The following MRPS2 variants were observed in gnomAD, a reference collection of about 807,000 sequenced individuals.
MRPS2 encodes the protein mitochondrial ribosomal protein S2.
MRPS2 carries 13 observed loss-of-function variants against 18.9 expected under a neutral mutation model. That is an observed-to-expected ratio of 0.69 (90% CI 0.45 to 1.09). MRPS2 has a LOEUF of 1.09. Among genes scored for constraint, MRPS2 ranks in the 50% least tolerant of loss-of-function variants. The pLI, the probability that MRPS2 is intolerant of heterozygous loss-of-function variation, is 0.00. For synonymous variants in MRPS2, 186 were observed against 178.4 expected, an observed-to-expected ratio of 1.04 and a Z score of -0.34; for missense variants, 389 against 421.7, an observed-to-expected ratio of 0.92 and a Z score of 0.68.
chr9:135,500,595 C>A (rs1024870776), upstream of MRPS2: 1 of 1,181,062 alleles, frequency 8.5e-7, no homozygotes, highest in Non-Finnish European at 1.1e-6. Flanking sequence ...CTGGGGACAG[C>A]GCTGTGGCTC....
At chr9:135,501,327 G>A (rs1831125971) in intron 2 of MRPS2, 3 of 1,414,288 alleles carry the variant, frequency 2.1e-6, no homozygotes, top group African/African-American at 1.5e-5. Flanking sequence ...CATGGATAGG[G>A]TGAGAGGGAG....
rs769414094 is a variant in MRPS2 at position 135,501,058 on chromosome 9, G to T, written c.104G>T (p.Arg35Leu). 6.6e-5 allele frequency: 106 copies of T among 1,609,722 alleles called. No individual in the cohort carries two copies. The highest frequency in any genetic ancestry group is 8.6e-5 in the Non-Finnish European group (101 of 1,178,794). Reference sequence around the variant, plus strand: ...GGGAAGGCGACCCCCCGGCCTGCTCGGCCGAGCCGCAGGACGCTTGGAAGC... The same window carrying T: ...GGGAAGGCGACCCCCCGGCCTGCTCTGCCGAGCCGCAGGACGCTTGGAAGC... The part of the protein sequence containing the change: ...FLGKATPRPA[R>L]PSRRTLGSAT... Residue 35 changes from arginine to leucine, a missense_variant, in exon 2 of 4, where the codon CGG becomes CTG. Physicochemically the swap from Arg to Leu is moderately radical, Grantham distance 102. Coordinates refer to ENST00000241600, the MANE Select transcript of MRPS2 (RefSeq NM_016034.5).
intron 2 of MRPS2, chr9:135,501,516 A>C: frequency 1.2e-6 from 1 of 810,276 alleles, no homozygotes; most frequent in Non-Finnish European, 1.6e-6. Context: ...CTGAGACCAC[A>C]AGGCGGGGAG....
chr9:135,502,300 G>A, intron 3 of MRPS2: 1 of 1,135,472 alleles, frequency 8.8e-7, no homozygotes, highest in Non-Finnish European at 1.1e-6. Flanking sequence ...GGCCTTCTGG[G>A]CTGCGGGGAG....
chr9:135,500,482 A>C (rs900900470), upstream of MRPS2: 2 of 461,796 alleles, frequency 4.3e-6, no homozygotes, highest in Non-Finnish European at 7.5e-6. Flanking sequence ...GGCGAGCTGC[A>C]GGGCGAGGAC....
rs763954461 is a variant in MRPS2 at position 135,503,978 on chromosome 9, G to C, written c.736G>C (p.Val246Leu). The C allele has an allele frequency of 6.2e-7, 1 of 1,613,604 alleles. No homozygotes were observed. Among genetic ancestry groups the C allele is most frequent in the South Asian group, 1.1e-5 (1 of 91,088 alleles). Residue 246 changes from valine to leucine, a missense_variant, in exon 4 of 4, where the codon GTG becomes CTG. Physicochemically the swap from Val to Leu is conservative, Grantham distance 32 (BLOSUM62 1). Transcript: ENST00000241600. ...VPGNDDSPLAVHLYCRLFQTA... is the reference protein window; with the variant it reads ...VPGNDDSPLALHLYCRLFQTA... ...CGGCAATGACGACTCTCCGCTGGCTGTGCACCTCTACTGCAGGCTCTTCCA... is the reference window on the plus strand; with the variant it reads ...CGGCAATGACGACTCTCCGCTGGCTCTGCACCTCTACTGCAGGCTCTTCCA...
At chr9:135,502,391 CAGGG>C (rs1831169573) in intron 3 of MRPS2, 1 of 610,560 alleles carries the variant, frequency 1.6e-6, no homozygotes, top group Admixed American at 5.8e-5. Context: ...GGTGGGAGGC[CAGGG>C]AGGAGGTTGG....
chr9:135,500,156 G>A (rs1588365902), upstream of MRPS2: 5 of 412,596 alleles, frequency 1.2e-5, no homozygotes, highest in East Asian at 2.3e-4. Flanking sequence ...CTGGGACCCC[G>A]CCAGCCGGGT....
rs748754188 is a variant in MRPS2, at chr9:135,501,801, C to T, written c.170-43C>T. On this transcript the variant is annotated intron_variant, in intron 2 of 3. Transcript: ENST00000241600. ...AACTGCGCTCTGCCTGTCTCTGCTG[C>T]CACCGGTGGGAGACGCAGCGTCGCT... 30 of 1,608,014 alleles carry T rather than the reference C, an allele frequency of 1.9e-5. 2 individuals carry two copies. The South Asian group carries it at 3.3e-4, about 18-fold the overall frequency.
Position 135,504,274 on chromosome 9 carries a change from AC to A in MRPS2, c.*142del, listed in dbSNP as rs1831237561. On this transcript the variant is annotated 3_prime_UTR_variant, in exon 4 of 4. Coordinates refer to ENST00000241600, the MANE Select transcript of MRPS2 (RefSeq NM_016034.5). The surrounding 1 kb of genome is among the most constrained non-coding windows in gnomAD (Gnocchi z 4.3). ...CAGTGCAGACATCCACCGTTCCACC[AC>A]AGAACCAGTGGCTGAGCGGACCAAC... The A allele has an allele frequency of 1.2e-6, 1 of 821,780 alleles. No homozygotes were observed. The highest frequency in any genetic ancestry group is 1.8e-5 in the South Asian group (1 of 55,074). The allele number at this position is 821,780 out of a possible 1,614,324, so 50.9% of individuals were successfully genotyped here. A position where few individuals can be genotyped will look rare whatever the true frequency, so the allele number is the denominator to read the frequency against.
At chr9:135,501,438 C>G in intron 2 of MRPS2, 3 of 1,046,558 alleles carry the variant, frequency 2.9e-6, no homozygotes, top group Non-Finnish European at 3.7e-6. Flanking sequence ...CCCAAGTGAC[C>G]TGGGGGCACT....
upstream of MRPS2, chr9:135,500,574 G>T (rs1831086597): frequency 2.0e-5 from 20 of 989,866 alleles, no homozygotes; most frequent in Non-Finnish European, 2.6e-5. Context: ...CCGCAGGGAG[G>T]TCCCAGCCGC....
In MRPS2 at chr9:135,504,343, G is replaced by A; in HGVS notation, c.*210G>A. 1 of 602,620 alleles carries A rather than the reference G, an allele frequency of 1.7e-6. No individual in the cohort carries two copies. Among genetic ancestry groups the A allele is most frequent in the Non-Finnish European group, 2.9e-6 (1 of 342,122 alleles). 37.3% of individuals were successfully genotyped at this position (602,620 alleles called of 1,614,324 possible). A position where few individuals can be genotyped will look rare whatever the true frequency, so the allele number is the denominator to read the frequency against. On this transcript the variant is annotated 3_prime_UTR_variant, in exon 4 of 4. Coordinates refer to ENST00000241600, the MANE Select transcript of MRPS2 (RefSeq NM_016034.5). This position sits in a 1 kb window ranked among gnomAD's most constrained non-coding sequence, Gnocchi z 4.3. The stretch of plus-strand genomic sequence containing the variant: ...CTCTGTGGGGAACAGAGCACAGAGG[G>A]TGAGCGACATGTGCAGAACGGCCCC...
intron 3 of MRPS2, chr9:135,503,272 A>C (rs1831193788): frequency 7.5e-7 from 1 of 1,328,730 alleles, no homozygotes; most frequent in Non-Finnish European, 9.6e-7. Context: ...CCACACATCC[A>C]TATGGGGTCA....
In MRPS2 at chr9:135,500,696, C is replaced by T. The variant is rs1831089579; in HGVS notation, c.-15C>T. Reference sequence around the variant, plus strand: ...TGGCCTGGAGGGAGACCTCGCTCTGCCCCGCGTCCCAGCCATGGCGACATC... The same window carrying T: ...TGGCCTGGAGGGAGACCTCGCTCTGTCCCGCGTCCCAGCCATGGCGACATC... On this transcript the variant is annotated 5_prime_UTR_variant, in exon 1 of 4. Transcript: ENST00000241600. 28 of 1,466,138 alleles carry T rather than the reference C, an allele frequency of 1.9e-5. No homozygotes were observed. In the East Asian group the frequency reaches 3.8e-4, roughly 20 times the overall value. 90.8% of individuals were successfully genotyped at this position (1,466,138 alleles called of 1,614,324 possible).
At chr9:135,501,719 G>A (rs1441511479) in intron 2 of MRPS2, 125 bp from the exon 3 acceptor site, 4 of 1,510,764 alleles carry the variant, frequency 2.6e-6, no homozygotes, top group Non-Finnish European at 3.5e-6. Context: ...GGGCTGCTGG[G>A]CTCCCGGCTC....
chr9:135,500,003 C>G (rs1002053474), upstream of MRPS2: 1 of 895,730 alleles, frequency 1.1e-6, no homozygotes, highest in Non-Finnish European at 1.6e-6. Context: ...GGCGACTCCC[C>G]AAGGGCCGGG....
In MRPS2 at chr9:135,504,082, G is replaced by A. The variant is rs1273801770; in HGVS notation, c.840G>A (p.Gly280=). 5 of 1,612,310 alleles carry A rather than the reference G, an allele frequency of 3.1e-6. No individual in the cohort carries two copies. Among genetic ancestry groups the A allele is most frequent in the Non-Finnish European group, 2.5e-6 (3 of 1,179,970 alleles). ...LYRLQGQKEP[G]DQGPAHPPGA... is the part of the protein sequence containing the mutation. ...GCCTGCAGGGCCAGAAGGAGCCCGG[G>A]GACCAGGGGCCAGCCCACCCTCCTG... Residue 280 remains glycine, a synonymous_variant, in exon 4 of 4, where the codon GGG becomes GGA. Transcript: ENST00000241600. The surrounding 1 kb of genome is among the most constrained non-coding windows in gnomAD (Gnocchi z 4.3).
rs780678443 is a variant in MRPS2, at chr9:135,501,048, C to T, written c.94C>T (p.Arg32Trp). Residue 32 changes from arginine to tryptophan, a missense_variant, in exon 2 of 4, where the codon CGG becomes TGG. Transcript: ENST00000241600. ...GGGCTTTCTCGGGAAGGCGACCCCC[C>T]GGCCTGCTCGGCCGAGCCGCAGGAC... ...WLGFLGKATP[R>W]PARPSRRTLG... The T allele has an allele frequency of 3.8e-5, 61 of 1,610,150 alleles. No homozygotes were observed. The highest frequency in any genetic ancestry group is 3.8e-5 in the Non-Finnish European group (45 of 1,178,960).
Sources: allele counts gnomAD v4.1 joint callset, GRCh38; gene constraint gnomAD v4.1.1; non-coding constraint Gnocchi (gnomAD v3.1); transcripts MANE v1.5; gene names NCBI Gene and HGNC (gene_info 2026-07-23, HGNC 2026-07-21).